HIVEP1: variants seen among roughly 807,000 people sequenced by gnomAD.
HIVEP1 encodes HIVEP zinc finger 1, also known as zinc finger protein 40.
Under a neutral mutation model 180.0 loss-of-function variants are expected in HIVEP1, and 36 were observed. That is an observed-to-expected ratio of 0.20 (90% CI 0.15 to 0.26). The LOEUF (loss-of-function observed/expected upper bound fraction) is 0.26. HIVEP1 is among the 10% of genes least tolerant of loss of function. HIVEP1 has a pLI of 1.00. For missense variants in HIVEP1, 3,143 were observed against 3,268.7 expected, an observed-to-expected ratio of 0.96 and a Z score of 0.94; for synonymous variants, 1,239 against 1,239.0, an observed-to-expected ratio of 1.00 and a Z score of 0.00.
At chr6:12,038,712 CAACAACAACAA>C (rs1247830036) in intron 2 of HIVEP1, 1 of 152,810 alleles carries the variant, frequency 6.5e-6, no homozygotes, top group Non-Finnish European at 1.5e-5. Context: ...GAACCAACAA[CAACAACAACAA>C]AGAACCACCA....
At chr6:12,034,333 G>A (rs958885949) in intron 2 of HIVEP1, among the ~76,000 whole-genome samples, 3 of 152,160 alleles carry the variant, frequency 2.0e-5, no homozygotes, top group East Asian at 1.9e-4. Flanking sequence ...TTTGGCAACC[G>A]AATCTATGAG....
chr6:12,205,954 A>G, the HIVEP1 span, among the ~76,000 whole-genome samples: 1 of 152,104 alleles, frequency 6.6e-6, no homozygotes, highest in Non-Finnish European at 1.5e-5. Context: ...AACAGGGTGT[A>G]TTATGGGTTG....
chr6:12,110,848 C>A (rs1774843217), intron 3 of HIVEP1, among the ~76,000 whole-genome samples: 1 of 152,236 alleles, frequency 6.6e-6, no homozygotes, highest in Non-Finnish European at 1.5e-5. Flanking sequence ...TTTCAACACG[C>A]CTTCTTCAGT....
chr6:12,131,095 T>C (rs978893749), intron 6 of HIVEP1, among the ~76,000 whole-genome samples, 153 bp downstream of exon 6: 1 of 152,108 alleles, frequency 6.6e-6, no homozygotes, highest in Non-Finnish European at 1.5e-5. Context: ...TATTACTTTA[T>C]ATGATTTTAG....
At chr6:12,175,277 A>C in the HIVEP1 span, among the ~76,000 whole-genome samples, 113 of 152,288 alleles carry the variant, frequency 7.4e-4, 1 homozygote, top group Middle Eastern at 0.01. Context: ...AATTTTTTTA[A>C]GTATTTCATA....
chr6:12,105,028 T>G (rs544830889), intron 3 of HIVEP1, among the ~76,000 whole-genome samples: 23 of 152,336 alleles, frequency 1.5e-4, no homozygotes, highest in Admixed American at 1.3e-3. Flanking sequence ...GATGGACATT[T>G]TATTTTAAAA....
chr6:12,058,800 CT>C (rs1158153845), intron 2 of HIVEP1, among the ~76,000 whole-genome samples: 2 of 152,114 alleles, frequency 1.3e-5, no homozygotes, highest in African/African-American at 4.8e-5. Flanking sequence ...ACCTAGTAAG[CT>C]TTGCAAAAGA....
At chr6:12,168,261 TATATATACATATATACATATATTATATAC>T (rs1491288750), downstream of HIVEP1, among the ~76,000 whole-genome samples, 1 of 36,774 alleles carries the variant, frequency 2.7e-5, no homozygotes. Context: ...GATATACGTG[TATATATACATATATACATATATTATATAC>T]ATATATACAT....
downstream of HIVEP1, among the ~76,000 whole-genome samples, chr6:12,167,681 T>C (rs1277707197): frequency 2.9e-5 from 2 of 68,622 alleles, no homozygotes; most frequent in Non-Finnish European, 6.7e-5. Flanking sequence ...TACATATATG[T>C]GTATAATATA....
At chr6:12,110,583 C>T (rs1432387656) in intron 3 of HIVEP1, among the ~76,000 whole-genome samples, 1 of 152,208 alleles carries the variant, frequency 6.6e-6, no homozygotes, top group Non-Finnish European at 1.5e-5. Context: ...TCACTTGTTT[C>T]AGCCTTCATA....
intron 2 of HIVEP1, among the ~76,000 whole-genome samples, chr6:12,049,525 C>T (rs1009359468): frequency 6.6e-6 from 1 of 152,184 alleles, no homozygotes; most frequent in East Asian, 1.9e-4. Context: ...CTTTAAATGA[C>T]TATACGATAT....
At chr6:12,104,641 A>C (rs1774323436) in intron 3 of HIVEP1, among the ~76,000 whole-genome samples, 1 of 151,760 alleles carries the variant, frequency 6.6e-6, no homozygotes, top group African/African-American at 2.4e-5. Context: ...TATATTCTTC[A>C]GCCTGGTCTT....
At chr6:12,109,264 A>G (rs913642801) in intron 3 of HIVEP1, among the ~76,000 whole-genome samples, 1 of 152,210 alleles carries the variant, frequency 6.6e-6, no homozygotes, top group Non-Finnish European at 1.5e-5. Flanking sequence ...AAGTGCTGGG[A>G]TTACAGGCGT....
chr6:12,044,071 T>C (rs1318232742), intron 2 of HIVEP1, among the ~76,000 whole-genome samples: 1 of 152,172 alleles, frequency 6.6e-6, no homozygotes, highest in Non-Finnish European at 1.5e-5. Flanking sequence ...TTCAAGGCCC[T>C]GCATGTGTAA....
At chr6:12,046,876 T>TGTGTGTGTGTGTGTG (rs1561885761) in intron 2 of HIVEP1, among the ~76,000 whole-genome samples, 40 of 151,008 alleles carry the variant, frequency 2.6e-4, no homozygotes, top group East Asian at 9.8e-4. Flanking sequence ...TGTGTGTGTG[T>TGTGTGTGTGTGTGTG]TTGAGATGGA....
chr6:12,126,489 G>GT (rs1758078209), intron 4 of HIVEP1, among the ~76,000 whole-genome samples: 1 of 152,206 alleles, frequency 6.6e-6, no homozygotes, highest in East Asian at 1.9e-4. Context: ...TCATGAAACT[G>GT]TAACTTGGGG....
rs893716090 is a variant in HIVEP1 at position 12,164,559 on chromosome 6, A to C, written c.*98A>C. ...AAGCACATTTTTCTGACATAAACTC[A>C]TGACTAATCTTTGTGCAATCATGAA... On this transcript the variant is annotated 3_prime_UTR_variant, in exon 9 of 9. Transcript: ENST00000379388. The C allele has an allele frequency of 2.2e-6, 2 of 908,880 alleles. No homozygotes were observed. Among genetic ancestry groups the C allele is most frequent in the Admixed American group, 3.0e-5 (1 of 33,654 alleles). 56.3% of individuals were successfully genotyped at this position (908,880 alleles called of 1,614,324 possible).
chr6:12,094,326 T>C (rs1428933940), intron 3 of HIVEP1, among the ~76,000 whole-genome samples: 1 of 152,022 alleles, frequency 6.6e-6, no homozygotes, highest in Non-Finnish European at 1.5e-5. Flanking sequence ...TAATTGTTTC[T>C]TTTATTTATT....
intron 2 of HIVEP1, among the ~76,000 whole-genome samples, chr6:12,066,556 A>C (rs1290140001): frequency 6.6e-6 from 1 of 152,218 alleles, no homozygotes; most frequent in Non-Finnish European, 1.5e-5. Context: ...GAGTCCTTGG[A>C]AGTGTTGGAC....
Sources: allele counts gnomAD v4.1 joint callset (sites outside exome capture counted in the v4.1 genomes callset), GRCh38; gene constraint gnomAD v4.1.1; transcripts MANE v1.5; gene names NCBI Gene and HGNC (gene_info 2026-07-23, HGNC 2026-07-21).